NR6A1: variants seen among roughly 807,000 people sequenced by gnomAD.
NR6A1 encodes the protein retinoic acid receptor-related testis-associated receptor.
NR6A1 carries 7 observed loss-of-function variants against 59.1 expected under a neutral mutation model. The ratio of observed to expected loss-of-function variants is 0.12; its 90% CI spans 0.07 to 0.22. The LOEUF (loss-of-function observed/expected upper bound fraction) is 0.22. Among genes scored for constraint, NR6A1 ranks in the 10% least tolerant of loss-of-function variants. NR6A1 has a pLI of 1.00. For missense variants in NR6A1, 468 were observed against 611.6 expected (o/e 0.77, Z 2.48); for synonymous variants, 243 against 236.1 (o/e 1.03, Z -0.27).
chr9:124,596,730 C>T (rs12348538), intron 2 of NR6A1, among the ~76,000 whole-genome samples: 1 of 152,246 alleles, frequency 6.6e-6, no homozygotes, highest in South Asian at 2.1e-4. Context: ...TGTATAACAC[C>T]GAGTGTGCAC....
intron 2 of NR6A1, among the ~76,000 whole-genome samples, chr9:124,593,666 G>A (rs76121241): frequency 3.3e-5 from 5 of 152,210 alleles, no homozygotes; most frequent in East Asian, 3.9e-4. Flanking sequence ...TCCTTTAAGC[G>A]GCAATCTAAT....
intron 2 of NR6A1, among the ~76,000 whole-genome samples, chr9:124,729,342 A>C (rs1839819015): frequency 6.6e-6 from 1 of 152,226 alleles, no homozygotes; most frequent in African/African-American, 2.4e-5. Flanking sequence ...TTATATTTTT[A>C]TATTTGTAAA....
intron 3 of NR6A1, among the ~76,000 whole-genome samples, chr9:124,548,122 GAGAC>G (rs370193185): frequency 8.7e-5 from 11 of 126,644 alleles, no homozygotes; most frequent in African/African-American, 2.9e-4. Context: ...GTGGAAGAGA[GAGAC>G]AGAAAGAAGA....
intron 2 of NR6A1, among the ~76,000 whole-genome samples, chr9:124,651,228 TGTA>T (rs1837093804): frequency 7.2e-5 from 11 of 152,086 alleles, no homozygotes. Context: ...GGTTAATTTT[TGTA>T]TTTTTTTTTT....
chr9:124,769,771 C>G (rs1026021944), intron 1 of NR6A1, among the ~76,000 whole-genome samples: 3 of 152,274 alleles, frequency 2.0e-5, no homozygotes, highest in East Asian at 1.9e-4. Flanking sequence ...TCGGGTTTGC[C>G]GCCGGAGCGT....
chr9:124,659,688 T>C (rs1472747400), intron 2 of NR6A1, among the ~76,000 whole-genome samples: 5 of 152,362 alleles, frequency 3.3e-5, no homozygotes, highest in Non-Finnish European at 7.3e-5. Flanking sequence ...AAAGTCTCCT[T>C]ACTTCATAGT....
chr9:124,674,767 C>T (rs2130977027), intron 2 of NR6A1, among the ~76,000 whole-genome samples: 1 of 152,234 alleles, frequency 6.6e-6, no homozygotes, highest in Non-Finnish European at 1.5e-5. Context: ...GAAGGAATAG[C>T]AAATTACAAC....
At chr9:124,631,972 T>C (rs770763128) in intron 2 of NR6A1, among the ~76,000 whole-genome samples, 2 of 152,206 alleles carry the variant, frequency 1.3e-5, no homozygotes, top group African/African-American at 2.4e-5. Context: ...TCCAGCTCCA[T>C]GTATGTCCCT....
intron 2 of NR6A1, among the ~76,000 whole-genome samples, chr9:124,708,143 A>C (rs888176985): frequency 2.0e-5 from 3 of 152,172 alleles, no homozygotes; most frequent in Non-Finnish European, 2.9e-5. Context: ...TGTTTATCCT[A>C]AACAGAACTG....
At chr9:124,560,377 T>C (rs1243236834) in intron 2 of NR6A1, among the ~76,000 whole-genome samples, 1 of 152,198 alleles carries the variant, frequency 6.6e-6, no homozygotes, top group African/African-American at 2.4e-5. Flanking sequence ...ATCTGGGTCC[T>C]GCCACCTAGT....
chr9:124,738,162 G>A (rs963175600), intron 1 of NR6A1, among the ~76,000 whole-genome samples: 5 of 152,126 alleles, frequency 3.3e-5, no homozygotes, highest in Admixed American at 2.0e-4. Flanking sequence ...GCTGAGGCAA[G>A]AGAATAGCTT....
intron 7 of NR6A1, among the ~76,000 whole-genome samples, chr9:124,534,857 G>A (rs1042997533): frequency 2.0e-5 from 3 of 152,192 alleles, no homozygotes; most frequent in Non-Finnish European, 4.4e-5. Context: ...TAGACCGGGC[G>A]CAGTGGCTCA....
chr9:124,546,471 C>A (rs543548377), intron 3 of NR6A1, among the ~76,000 whole-genome samples: 1 of 152,148 alleles, frequency 6.6e-6, no homozygotes, highest in Non-Finnish European at 1.5e-5. Flanking sequence ...TTAAATTATA[C>A]ATTTATTCTG....
At chr9:124,537,070 ATTTTTTTT>A (rs111541971) in intron 6 of NR6A1, among the ~76,000 whole-genome samples, 6,536 of 136,668 alleles carry the variant, frequency 0.048, 430 homozygotes, top group African/African-American at 0.16. Flanking sequence ...CCACATCTAA[ATTTTTTTT>A]TTTTTTTTTT....
In NR6A1 at chr9:124,519,421, G is replaced by A. The variant is rs1832750767; in HGVS notation, c.*3284C>T. 1 of 152,134 alleles carries A rather than the reference G, an allele frequency of 6.6e-6. No individual in the cohort carries two copies. Among genetic ancestry groups the A allele is most frequent in the African/African-American group, 2.4e-5 (1 of 41,404 alleles). 9.4% of individuals were successfully genotyped at this position (152,134 alleles called of 1,614,324 possible). Reference sequence around the variant, plus strand: ...CGACGAGACCACCAAACCTTGCAAAGGACTCCAAAAGTCTACAAAGGCAGC... The same window carrying A: ...CGACGAGACCACCAAACCTTGCAAAAGACTCCAAAAGTCTACAAAGGCAGC... On this transcript the variant is annotated 3_prime_UTR_variant, in exon 10 of 10. Coordinates refer to ENST00000487099, the MANE Select transcript of NR6A1 (RefSeq NM_033334.4).
At chr9:124,669,000 T>C (rs1233451242) in intron 2 of NR6A1, among the ~76,000 whole-genome samples, 1 of 152,152 alleles carries the variant, frequency 6.6e-6, no homozygotes, top group Non-Finnish European at 1.5e-5. Context: ...AGAAGACAAA[T>C]TATACATCCC....
intron 2 of NR6A1, among the ~76,000 whole-genome samples, chr9:124,630,210 GTTTTTT>G (rs71372979): frequency 1.0e-5 from 1 of 95,354 alleles, no homozygotes; most frequent in Admixed American, 1.4e-4. Context: ...CTCCAAATCA[GTTTTTT>G]TTTTTTTTTT....
At chr9:124,705,925 G>A (rs2148787) in intron 2 of NR6A1, among the ~76,000 whole-genome samples, 73,379 of 151,672 alleles carry the variant, frequency 0.48, 17,925 homozygotes, top group Admixed American at 0.59. Context: ...ACAGGTGCTC[G>A]TGACCATGCC....
rs749050119 is a variant in NR6A1 at position 124,653,274 on chromosome 9, CTT to C, written c.142+80032_142+80033del. Among the ~76,000 whole-genome samples the C allele has an allele frequency of 1.2e-3, 175 of 143,386 alleles. 1 individual carries two copies. Among genetic ancestry groups the C allele is most frequent in the African/African-American group, 4.0e-3 (157 of 39,398 alleles). The allele number at this position is 143,386 out of a possible 152,430, so 94.1% of individuals were successfully genotyped here. A position where few individuals can be genotyped will look rare whatever the true frequency, so the allele number is the denominator to read the frequency against. On this transcript the variant is annotated intron_variant, in intron 2 of 9. Coordinates refer to ENST00000487099, the MANE Select transcript of NR6A1 (RefSeq NM_033334.4). Reference sequence around the variant, plus strand: ...AATCAACTGAGTAGCTTGCAAGTAACTTTTTTTTTTTTTTAGTAAAAAGAAGA... The same window carrying C: ...AATCAACTGAGTAGCTTGCAAGTAACTTTTTTTTTTTTAGTAAAAAGAAGA...
Sources: gnomAD v4.1 joint callset for allele counts (sites outside exome capture counted in the v4.1 genomes callset) on GRCh38, gnomAD v4.1.1 for gene constraint, MANE v1.5 for transcripts, NCBI Gene and HGNC (gene_info 2026-07-23, HGNC 2026-07-21) for gene names.